Variants in RGS7 observed in about 807,000 individuals in gnomAD.
RGS7 encodes the protein regulator of G protein signaling 7.
In RGS7, 27 loss-of-function variants were observed where a neutral mutation model predicts 81.1. That is an observed-to-expected ratio of 0.33 (90% CI 0.25 to 0.46). RGS7 has a LOEUF of 0.46. Among genes scored for constraint, RGS7 ranks in the 20% least tolerant of loss-of-function variants. The pLI is 1.00. For synonymous variants in RGS7, 208 were observed against 207.7 expected, an observed-to-expected ratio of 1.00 and a Z score of -0.01; for missense variants, 396 against 607.4, an observed-to-expected ratio of 0.65 and a Z score of 3.66.
intron 3 of RGS7, among the ~76,000 whole-genome samples, chr1:241,046,008 T>G (rs1486965889): frequency 2.0e-5 from 2 of 101,190 alleles, no homozygotes; most frequent in African/African-American, 6.5e-5. Flanking sequence ...CATTTAGACT[T>G]TTTTTCTCTT....
chr1:240,822,465 CACG>C (rs1231084544), intron 10 of RGS7, among the ~76,000 whole-genome samples: 15 of 152,320 alleles, frequency 9.8e-5, no homozygotes, highest in African/African-American at 3.6e-4. Context: ...CAAACATCTT[CACG>C]TTTCTAATAA....
At chr1:240,905,853 T>C (rs1349369585) in intron 6 of RGS7, among the ~76,000 whole-genome samples, 1 of 152,204 alleles carries the variant, frequency 6.6e-6, no homozygotes, top group African/African-American at 2.4e-5. Flanking sequence ...AATCCCGCCA[T>C]TGCATGAAGA....
chr1:241,112,374 T>C (rs2065578614), intron 2 of RGS7, among the ~76,000 whole-genome samples: 1 of 152,126 alleles, frequency 6.6e-6, no homozygotes, highest in African/African-American at 2.4e-5. Context: ...ATGATAGTGC[T>C]TTGCCTGGGT....
At chr1:241,250,088 A>G (rs1331454173) in intron 2 of RGS7, among the ~76,000 whole-genome samples, 1 of 152,254 alleles carries the variant, frequency 6.6e-6, no homozygotes, top group African/African-American at 2.4e-5. Context: ...AATAAAATTC[A>G]TAATGAGCTT....
chr1:240,891,201 T>TGGG (rs35370399), intron 6 of RGS7, among the ~76,000 whole-genome samples: 17,071 of 151,642 alleles, frequency 0.11, 1,116 homozygotes, highest in Middle Eastern at 0.17. Flanking sequence ...CCAGCATCAC[T>TGGG]GGGGGGGTGG....
At chr1:240,900,513 G>A (rs1484941972) in intron 6 of RGS7, among the ~76,000 whole-genome samples, 1 of 152,174 alleles carries the variant, frequency 6.6e-6, no homozygotes, top group Non-Finnish European at 1.5e-5. Context: ...CCCTCTAACG[G>A]TCAGGACCCT....
intron 2 of RGS7, among the ~76,000 whole-genome samples, chr1:241,331,960 T>C (rs907476735): frequency 1.3e-5 from 2 of 152,222 alleles, no homozygotes; most frequent in Admixed American, 6.5e-5. Context: ...TAATTTGTAA[T>C]GGACTAAGAG....
chr1:241,299,935 CAAAAAAAAAA>C (rs35939099), intron 2 of RGS7, among the ~76,000 whole-genome samples: 3 of 58,090 alleles, frequency 5.2e-5, no homozygotes, highest in African/African-American at 6.7e-5. Flanking sequence ...CTCGTTTCTC[CAAAAAAAAAA>C]AAAAAAAAAA....
chr1:241,160,125 A>AAAAAAAAAAAAAAAAAG (rs1553271928), intron 2 of RGS7, among the ~76,000 whole-genome samples: 2 of 141,348 alleles, frequency 1.4e-5, no homozygotes, highest in East Asian at 2.0e-4. Flanking sequence ...AAAAAAAAAA[A>AAAAAAAAAAAAAAAAAG]AAAAAGAAAA....
rs938011366 is a variant in RGS7, at chr1:241,009,993, A to T, written c.176-26864T>A. ...GGTGGGAGTTGAACAATGAGAACACATGGACACAGGGAGGGGAACATCATA... is the reference window on the plus strand; with the variant it reads ...GGTGGGAGTTGAACAATGAGAACACTTGGACACAGGGAGGGGAACATCATA... On this transcript the variant is annotated intron_variant, in intron 3 of 18. Coordinates refer to ENST00000440928, the MANE Select transcript of RGS7 (RefSeq NM_001364886.1). Among the ~76,000 whole-genome samples, 7 of 152,180 alleles carry T rather than the reference A, an allele frequency of 4.6e-5. No homozygotes were observed. The South Asian group carries it at 1.5e-3, about 32-fold the overall frequency.
chr1:241,222,593 T>C (rs1162430605), intron 2 of RGS7, among the ~76,000 whole-genome samples: 1 of 152,174 alleles, frequency 6.6e-6, no homozygotes, highest in Non-Finnish European at 1.5e-5. Context: ...TTATTAATAG[T>C]ACCAAGAGGA....
intron 2 of RGS7, among the ~76,000 whole-genome samples, chr1:241,248,053 A>G (rs1013397588): frequency 2.0e-5 from 3 of 152,158 alleles, no homozygotes; most frequent in Non-Finnish European, 4.4e-5. Context: ...TTGTGAAGGT[A>G]TATCTTTCTC....
At chr1:240,898,373 T>G (rs1301377245) in intron 6 of RGS7, among the ~76,000 whole-genome samples, 1 of 152,254 alleles carries the variant, frequency 6.6e-6, no homozygotes, top group Non-Finnish European at 1.5e-5. Flanking sequence ...AATTGTGATG[T>G]TACGGTGTCA....
At chr1:241,091,675 C>A (rs1252264257) in intron 3 of RGS7, among the ~76,000 whole-genome samples, 1 of 151,900 alleles carries the variant, frequency 6.6e-6, no homozygotes, top group African/African-American at 2.4e-5. Context: ...CTCTTGAGTC[C>A]AGGAGTTTGA....
chr1:240,976,426 A>G (rs1684070810), intron 4 of RGS7, among the ~76,000 whole-genome samples: 1 of 152,212 alleles, frequency 6.6e-6, no homozygotes, highest in South Asian at 2.1e-4. Flanking sequence ...AGGACACTGT[A>G]CCCTGATATT....
chr1:241,312,071 A>G (rs1330637432), intron 2 of RGS7, among the ~76,000 whole-genome samples: 1 of 152,240 alleles, frequency 6.6e-6, no homozygotes, highest in Admixed American at 6.5e-5. Flanking sequence ...TTAGGAAATT[A>G]AGATCAATAA....
intron 3 of RGS7, among the ~76,000 whole-genome samples, chr1:240,992,700 T>C (rs1686629571): frequency 6.6e-6 from 1 of 151,970 alleles, no homozygotes; most frequent in East Asian, 1.9e-4. Flanking sequence ...AAAATACCAA[T>C]TAATGATGCC....
chr1:241,143,241 A>G (rs2068060704), intron 2 of RGS7, among the ~76,000 whole-genome samples: 3 of 152,186 alleles, frequency 2.0e-5, no homozygotes, highest in Admixed American at 1.3e-4. Flanking sequence ...CCTGTTACCC[A>G]GTTCCAAAGT....
In RGS7 at chr1:241,195,687, C is replaced by A. The variant is rs116733851; in HGVS notation, c.79-96925G>T. On this transcript the variant is annotated intron_variant, in intron 2 of 18. Transcript: ENST00000440928. Reference sequence around the variant, plus strand: ...TATAAAAACAAAGAAAATATAAATTCTAGAACTGAAATTAAGAACTTTACA... The same window carrying A: ...TATAAAAACAAAGAAAATATAAATTATAGAACTGAAATTAAGAACTTTACA... Among the ~76,000 whole-genome samples, 1,347 of 151,838 alleles carry A rather than the reference C, an allele frequency of 8.9e-3. 24 individuals are homozygous for A. The highest frequency in any genetic ancestry group is 0.031 in the African/African-American group (1,270 of 41,410).
Sources: gnomAD v4.1 joint callset for allele counts (sites outside exome capture counted in the v4.1 genomes callset) on GRCh38, gnomAD v4.1.1 for gene constraint, MANE v1.5 for transcripts, NCBI Gene and HGNC (gene_info 2026-07-23, HGNC 2026-07-21) for gene names.